NRG3: variants seen among roughly 807,000 people sequenced by gnomAD.
NRG3 encodes neuregulin 3, also known as pro-neuregulin-3, membrane-bound isoform.
NRG3 carries 31 observed loss-of-function variants against 66.9 expected under a neutral mutation model. The ratio of observed to expected loss-of-function variants is 0.46; its 90% CI spans 0.35 to 0.63. The LOEUF (loss-of-function observed/expected upper bound fraction) is 0.63, where lower values mean the gene tolerates loss of function less well. NRG3 is among the 20% of genes least tolerant of loss of function. The pLI is 0.00. For synonymous variants in NRG3, 393 were observed against 359.4 expected (o/e 1.09, Z -1.06); for missense variants, 910 against 878.9 (o/e 1.04, Z -0.45).
intron 2 of NRG3, among the ~76,000 whole-genome samples, chr10:82,736,113 A>G (rs1206686137): frequency 6.6e-6 from 1 of 152,196 alleles, no homozygotes; most frequent in Non-Finnish European, 1.5e-5. Context: ...AAGAAAAAAG[A>G]AAATAAAACA....
At chr10:82,383,470 A>T (rs2085762652) in intron 2 of NRG3, among the ~76,000 whole-genome samples, 1 of 151,666 alleles carries the variant, frequency 6.6e-6, no homozygotes, top group Admixed American at 6.6e-5. Context: ...TTTTTGTGTA[A>T]TTTTTGGTTA....
rs758359363 is a variant in NRG3 at position 82,086,839 on chromosome 10, AT to A, written c.823+210679del. On this transcript the variant is annotated intron_variant, in intron 1 of 8. Transcript: ENST00000372141. ...ATGTCTGGTAAATTTAGGTAGAAAT[AT>A]TTGGTGTTATCATTGCCTTCCAATC... is the stretch of plus-strand genomic sequence containing the variant. 9.9e-4 allele frequency among the ~76,000 whole-genome samples: 150 copies of A among 152,250 alleles called. 1 individual carries two copies. Among genetic ancestry groups the A allele is most frequent in the Non-Finnish European group, 1.0e-3 (68 of 68,032 alleles).
At chr10:81,978,453 G>A (rs2060206757) in intron 1 of NRG3, among the ~76,000 whole-genome samples, 1 of 152,092 alleles carries the variant, frequency 6.6e-6, no homozygotes, top group Non-Finnish European at 1.5e-5. Flanking sequence ...CTTCAAGATA[G>A]CCAAGAGGTT....
intron 1 of NRG3, among the ~76,000 whole-genome samples, chr10:82,024,980 G>A (rs1414957631): frequency 6.6e-6 from 1 of 152,010 alleles, no homozygotes; most frequent in Admixed American, 6.6e-5. Flanking sequence ...CCTTCAATCT[G>A]TTCAGTGCTA....
intron 3 of NRG3, among the ~76,000 whole-genome samples, chr10:82,755,294 A>G (rs1474968988): frequency 6.6e-6 from 1 of 152,058 alleles, no homozygotes; most frequent in Admixed American, 6.6e-5. Context: ...AGTCACTACC[A>G]TTTTCCTTCA....
chr10:82,573,511 C>G (rs1269945485), intron 2 of NRG3, among the ~76,000 whole-genome samples: 1 of 151,816 alleles, frequency 6.6e-6, no homozygotes, highest in Non-Finnish European at 1.5e-5. Context: ...GGAACCCCTT[C>G]TCCATTTAAA....
intron 1 of NRG3, among the ~76,000 whole-genome samples, chr10:82,013,367 A>G (rs2061657099): frequency 6.6e-6 from 1 of 152,204 alleles, no homozygotes; most frequent in African/African-American, 2.4e-5. Flanking sequence ...ATTACAATTC[A>G]AAGTGAGATT....
chr10:82,830,009 G>C (rs2062437060), intron 3 of NRG3, among the ~76,000 whole-genome samples: 1 of 152,268 alleles, frequency 6.6e-6, no homozygotes, highest in South Asian at 2.1e-4. Flanking sequence ...TTTCACATCA[G>C]AGAGCTGAGT....
chr10:82,731,035 G>GTTTTGC (rs1235759512), intron 2 of NRG3, among the ~76,000 whole-genome samples: 1 of 151,980 alleles, frequency 6.6e-6, no homozygotes, highest in Admixed American at 6.6e-5. Flanking sequence ...TTTGGTTTTG[G>GTTTTGC]TTTTGGCTTT....
At chr10:82,815,535 G>T (rs1380179549) in intron 3 of NRG3, among the ~76,000 whole-genome samples, 1 of 152,056 alleles carries the variant, frequency 6.6e-6, no homozygotes, top group African/African-American at 2.4e-5. Flanking sequence ...TTTCCCCCAT[G>T]TGGCTAGAAC....
intron 1 of NRG3, among the ~76,000 whole-genome samples, chr10:82,246,033 T>TTTA (rs2077229657): frequency 6.7e-6 from 1 of 150,004 alleles, no homozygotes; most frequent in Admixed American, 6.7e-5. Flanking sequence ...CACTCGGGTA[T>TTTA]TTATTCCTCA....
At chr10:82,728,800 G>A (rs2057747046) in intron 2 of NRG3, among the ~76,000 whole-genome samples, 1 of 152,278 alleles carries the variant, frequency 6.6e-6, no homozygotes, top group Middle Eastern at 3.4e-3. Flanking sequence ...ATCATGGGGG[G>A]TAGATGTGAC....
At chr10:82,664,650 G>A (rs1335957919) in intron 2 of NRG3, among the ~76,000 whole-genome samples, 1 of 151,984 alleles carries the variant, frequency 6.6e-6, no homozygotes, top group Non-Finnish European at 1.5e-5. Flanking sequence ...GGTCTTCAGG[G>A]GGGTCCATGA....
chr10:82,242,605 C>T (rs1230375648), intron 1 of NRG3, among the ~76,000 whole-genome samples: 3 of 151,962 alleles, frequency 2.0e-5, no homozygotes, highest in African/African-American at 7.3e-5. Context: ...TTTGCTGAGA[C>T]CTGGAGAGGT....
At chr10:82,107,857 C>CT (rs960209303) in intron 1 of NRG3, among the ~76,000 whole-genome samples, 3 of 152,126 alleles carry the variant, frequency 2.0e-5, no homozygotes, top group Admixed American at 2.0e-4. Context: ...ACATAGCTTC[C>CT]TTTTTTTCTC....
rs1272208642 is a variant in NRG3 at position 82,574,335 on chromosome 10, G to A, written c.954-164242G>A. Among the ~76,000 whole-genome samples, 3 of 151,728 alleles carry A rather than the reference G, an allele frequency of 2.0e-5. No homozygotes were observed. In the South Asian group the frequency reaches 6.2e-4, roughly 31 times the overall value. On this transcript the variant is annotated intron_variant, in intron 2 of 8. Transcript: ENST00000372141. ...TCTCTTATATGTGGGAGCTAAACAA[G>A]TGAATCTCATGGAGGTAGAGTAGAA...
intron 1 of NRG3, among the ~76,000 whole-genome samples, chr10:82,132,457 A>G (rs12762933): frequency 0.45 from 37,271 of 83,180 alleles, 10,587 homozygotes; most frequent in Non-Finnish European, 0.6. Flanking sequence ...TTATATATAT[A>G]TGATATATAT....
Position 82,189,436 on chromosome 10 carries a change from C to T in NRG3, c.824-169303C>T, listed in dbSNP as rs987191337. On this transcript the variant is annotated intron_variant, in intron 1 of 8. Coordinates refer to ENST00000372141, the MANE Select transcript of NRG3 (RefSeq NM_001010848.4). ...CTTTGGGAGGCCAAGGCAGGCAGAT[C>T]GCTTGAGCCCAGGAGTGCAAACCAG... Among the ~76,000 whole-genome samples the T allele has an allele frequency of 9.2e-5, 14 of 152,096 alleles. 1 individual carries two copies. Among genetic ancestry groups the T allele is most frequent in the Admixed American group, 2.6e-4 (4 of 15,266 alleles).
At chr10:82,523,531 A>G (rs1310091818) in intron 2 of NRG3, among the ~76,000 whole-genome samples, 1 of 151,900 alleles carries the variant, frequency 6.6e-6, no homozygotes, top group African/African-American at 2.4e-5. Flanking sequence ...CTTTGGGTGA[A>G]TATCGATTCA....
Sources: gnomAD v4.1 joint callset for allele counts (sites outside exome capture counted in the v4.1 genomes callset) on GRCh38, gnomAD v4.1.1 for gene constraint, MANE v1.5 for transcripts, NCBI Gene and HGNC (gene_info 2026-07-23, HGNC 2026-07-21) for gene names.